NPAS3: variants seen among roughly 807,000 people sequenced by gnomAD.
NPAS3 encodes neuronal PAS domain protein 3, also known as neuronal PAS domain-containing protein 3.
NPAS3 carries 14 observed loss-of-function variants against 73.1 expected under a neutral mutation model. The ratio of observed to expected loss-of-function variants is 0.19; its 90% CI spans 0.13 to 0.30. The LOEUF (loss-of-function observed/expected upper bound fraction) is 0.30, where lower values mean the gene tolerates loss of function less well. NPAS3 is among the 10% of genes least tolerant of loss of function. The pLI is 1.00. For synonymous variants in NPAS3, 620 were observed against 541.5 expected, an observed-to-expected ratio of 1.14 and a Z score of -2.01; for missense variants, 1,096 against 1,250.0, an observed-to-expected ratio of 0.88 and a Z score of 1.86.
chr14:33,797,147 C>G (rs568639994), intron 10 of NPAS3, among the ~76,000 whole-genome samples: 38 of 152,336 alleles, frequency 2.5e-4, no homozygotes, highest in African/African-American at 8.9e-4. Context: ...CTCATCCTCC[C>G]TTCCCCCAGG....
chr14:33,563,920 C>T (rs530666416), intron 5 of NPAS3, among the ~76,000 whole-genome samples: 1 of 152,194 alleles, frequency 6.6e-6, no homozygotes, highest in African/African-American at 2.4e-5. Context: ...ATGTAAGGGG[C>T]TTAATCGCCA....
At chr14:32,935,038 C>A, upstream of NPAS3, 2 of 1,234,650 alleles carry the variant, frequency 1.6e-6, no homozygotes, top group Non-Finnish European at 2.1e-6. Flanking sequence ...ATAGTGCCCC[C>A]GCCCCGGGGT....
intron 11 of NPAS3, among the ~76,000 whole-genome samples, chr14:33,799,442 G>A (rs2063614024): frequency 6.6e-6 from 1 of 152,198 alleles, no homozygotes; most frequent in African/African-American, 2.4e-5. Context: ...ATCTGATTCA[G>A]TCTACCTGGG....
At chr14:33,650,362 G>C (rs150948984) in intron 5 of NPAS3, among the ~76,000 whole-genome samples, 3 of 152,050 alleles carry the variant, frequency 2.0e-5, no homozygotes, top group Non-Finnish European at 2.9e-5. Context: ...GATTTCTTAA[G>C]TTTATTTCCC....
At chr14:32,994,626 G>GTTTTTTTT (rs1382696309) in intron 1 of NPAS3, among the ~76,000 whole-genome samples, 1 of 121,498 alleles carries the variant, frequency 8.2e-6, no homozygotes, top group Non-Finnish European at 1.7e-5. Context: ...TTGTTTGTTT[G>GTTTTTTTT]TTTGTTTTTG....
intron 4 of NPAS3, among the ~76,000 whole-genome samples, chr14:33,368,830 G>A (rs925790808): frequency 1.3e-5 from 2 of 152,078 alleles, no homozygotes; most frequent in African/African-American, 4.8e-5. Context: ...TATAGGTTTT[G>A]TATGGACCGT....
Position 33,115,489 on chromosome 14 carries a change from A to G in NPAS3, c.140+59495A>G, listed in dbSNP as rs537860229. Among the ~76,000 whole-genome samples, 3 of 152,232 alleles carry G rather than the reference A, an allele frequency of 2.0e-5. No homozygotes were observed. The South Asian group carries it at 6.2e-4, about 32-fold the overall frequency. On this transcript the variant is annotated intron_variant, in intron 2 of 11. Transcript: ENST00000356141. ...TCATAAGACATCTTTTCTGAGTCTG[A>G]GATTATGATGGGTCACCAACTTCTT...
chr14:33,709,813 C>G (rs1236389127), intron 6 of NPAS3, among the ~76,000 whole-genome samples: 1 of 152,188 alleles, frequency 6.6e-6, no homozygotes, highest in African/African-American at 2.4e-5. Flanking sequence ...TAAGCCTGCC[C>G]TTCCTCAGGA....
intron 3 of NPAS3, among the ~76,000 whole-genome samples, chr14:33,238,896 T>C (rs2048126229): frequency 6.6e-6 from 1 of 151,956 alleles, no homozygotes; most frequent in African/African-American, 2.4e-5. Flanking sequence ...AACTAATATG[T>C]GTACAAGTTG....
At chr14:33,775,295 G>A (rs747473269) in intron 8 of NPAS3, among the ~76,000 whole-genome samples, 5 of 152,178 alleles carry the variant, frequency 3.3e-5, no homozygotes, top group Non-Finnish European at 7.3e-5. Context: ...CACATACCAG[G>A]TGTGGGAAGG....
chr14:33,768,449 A>T (rs2140867786), intron 7 of NPAS3, among the ~76,000 whole-genome samples: 1 of 152,328 alleles, frequency 6.6e-6, no homozygotes, highest in Admixed American at 6.5e-5. Flanking sequence ...AGCTTATTTC[A>T]ATTCAAATAT....
chr14:33,380,845 T>C (rs758287917), intron 4 of NPAS3, among the ~76,000 whole-genome samples: 4 of 152,116 alleles, frequency 2.6e-5, no homozygotes, highest in Non-Finnish European at 4.4e-5. Flanking sequence ...TCTAAAGATA[T>C]AAAAAATGCA....
At chr14:33,114,861 A>G (rs2043009608) in intron 2 of NPAS3, among the ~76,000 whole-genome samples, 1 of 152,196 alleles carries the variant, frequency 6.6e-6, no homozygotes, top group African/African-American at 2.4e-5. Flanking sequence ...GTTTATATGT[A>G]TTAGGGTAGA....
At chr14:32,972,463 C>A (rs2037475904) in intron 1 of NPAS3, among the ~76,000 whole-genome samples, 1 of 152,214 alleles carries the variant, frequency 6.6e-6, no homozygotes, top group African/African-American at 2.4e-5. Context: ...CACACATGCA[C>A]ATGCACACAC....
At chr14:33,540,940 G>A (rs2054482207) in intron 4 of NPAS3, among the ~76,000 whole-genome samples, 1 of 152,052 alleles carries the variant, frequency 6.6e-6, no homozygotes. Context: ...TGCTGGCTTG[G>A]ACTAGCATCT....
intron 1 of NPAS3, among the ~76,000 whole-genome samples, chr14:33,028,997 G>T (rs1330125291): frequency 2.0e-5 from 3 of 152,092 alleles, no homozygotes; most frequent in African/African-American, 4.8e-5. Flanking sequence ...CCCCTGATGG[G>T]GGAGGTATTT....
chr14:33,654,324 A>G (rs1480462606), intron 5 of NPAS3, among the ~76,000 whole-genome samples: 1 of 152,184 alleles, frequency 6.6e-6, no homozygotes, highest in Non-Finnish European at 1.5e-5. Flanking sequence ...ACTTATCAGG[A>G]TAATAGGAAG....
rs563213214 is a variant in NPAS3, at chr14:33,668,805, C to T, written c.559-7406C>T. Among the ~76,000 whole-genome samples the T allele has an allele frequency of 2.6e-5, 4 of 152,154 alleles. No homozygotes were observed. In the South Asian group the frequency reaches 6.2e-4, roughly 24 times the overall value. ...CTGCACTCCAACCTGGGTGACAGGG[C>T]GAGACCCTGTCTCAAAATAAAATAA... On this transcript the variant is annotated intron_variant, in intron 5 of 11. Transcript: ENST00000356141.
intron 1 of NPAS3, among the ~76,000 whole-genome samples, chr14:33,016,121 T>C (rs939248607): frequency 6.6e-6 from 1 of 152,134 alleles, no homozygotes; most frequent in African/African-American, 2.4e-5. Context: ...TCTCAAATGA[T>C]TGAGGAAACG....
Sources: allele counts gnomAD v4.1 joint callset (sites outside exome capture counted in the v4.1 genomes callset), GRCh38; gene constraint gnomAD v4.1.1; transcripts MANE v1.5; gene names NCBI Gene and HGNC (gene_info 2026-07-23, HGNC 2026-07-21).